BPIFB6: variants seen among roughly 807,000 people sequenced by gnomAD.
The protein encoded by BPIFB6 is BPI fold containing family B member 6.
A neutral mutation model predicts 54.7 loss-of-function variants in BPIFB6; 47 were observed. The ratio of observed to expected loss-of-function variants is 0.86; its 90% CI spans 0.68 to 1.10. The LOEUF (loss-of-function observed/expected upper bound fraction) is 1.10. Among genes scored for constraint, BPIFB6 ranks in the 50% least tolerant of loss-of-function variants. The probability of loss-of-function intolerance (pLI) is 0.00; values close to 1 mark genes in which losing one functional copy is unlikely to be tolerated. For missense variants in BPIFB6, 603 were observed against 564.1 expected, an observed-to-expected ratio of 1.07 and a Z score of -0.70; for synonymous variants, 255 against 225.9, an observed-to-expected ratio of 1.13 and a Z score of -1.16.
intron 13 of BPIFB6, 33 bp downstream of exon 13, chr20:33,042,911 C>A (rs1370308742): frequency 5.6e-6 from 9 of 1,601,486 alleles, no homozygotes; most frequent in East Asian, 2.2e-5. Flanking sequence ...GACCATGGTG[C>A]CAAGAAGCAC....
intron 9 of BPIFB6, 90 bp from the exon 10 acceptor site, chr20:33,039,257 G>T: frequency 4.5e-6 from 6 of 1,340,410 alleles, no homozygotes; most frequent in Non-Finnish European, 5.1e-6. Flanking sequence ...GTCCAACGTA[G>T]AAATCACCTA....
intron 11 of BPIFB6, 98 bp from the exon 12 acceptor site, chr20:33,041,872 C>A (rs547382680): frequency 1.9e-6 from 2 of 1,069,802 alleles, no homozygotes; most frequent in Non-Finnish European, 2.8e-6. Flanking sequence ...ATCAGGGAGG[C>A]GTTGGGGTGC....
At chr20:33,035,393 G>A (rs1979292914) in intron 5 of BPIFB6, among the ~76,000 whole-genome samples, 1 of 152,184 alleles carries the variant, frequency 6.6e-6, no homozygotes, top group African/African-American at 2.4e-5. Context: ...CAGTCCCAGG[G>A]AAAGAGTCCC....
intron 1 of BPIFB6, 108 bp downstream of exon 1, chr20:33,031,852 A>C (rs1019406098): frequency 1.2e-6 from 1 of 842,826 alleles, no homozygotes; most frequent in Non-Finnish European, 2.0e-6. Context: ...GTGAGCTCCA[A>C]GTAAACTTAT....
Position 33,034,238 on chromosome 20 carries a change from G to A in BPIFB6, c.250G>A (p.Gly84Arg). The A allele has an allele frequency of 1.2e-6, 2 of 1,614,130 alleles. No individual in the cohort carries two copies. The highest frequency in any genetic ancestry group is 1.7e-6 in the Non-Finnish European group (2 of 1,180,004). The change falls in exon 3 of 15, where the codon GGA becomes AGA. Residue 84 changes from glycine (G) to arginine (R), a missense_variant. Physicochemically the swap from Gly to Arg is moderately radical, Grantham distance 125. Coordinates refer to ENST00000349552, the MANE Select transcript of BPIFB6 (RefSeq NM_174897.2). ...CGTCATCACACTGAACTTTGTACCT[G>A]GAGTGGGCATCTTCCAATGTGTGTC... is the stretch of plus-strand genomic sequence containing the variant. ...LPVITLNFVPGVGIFQCVSTG... is the reference protein window; with the variant it reads ...LPVITLNFVPRVGIFQCVSTG...
chr20:33,031,746 T>C lies in BPIFB6; in HGVS notation c.97+2T>C, dbSNP rs2146362080. ...GGTTGGGCATGGACATCATGAACCG[T>C]GGTGAGCTTGTGGGCCCGGGCGTGC... On this transcript the variant is annotated splice_donor_variant, in intron 1 of 14. Transcript: ENST00000349552. LOFTEE classifies it low-confidence loss of function (ANC_ALLELE). The C allele has an allele frequency of 6.2e-7, 1 of 1,613,908 alleles. No homozygotes were observed. Among genetic ancestry groups the C allele is most frequent in the South Asian group, 1.1e-5 (1 of 91,062 alleles).
In BPIFB6 at chr20:33,031,681, C is replaced by G; in HGVS notation, c.34C>G (p.Leu12Val). The change falls in exon 1 of 15, where the codon CTG becomes GTG. Residue 12 changes from leucine to valine, a missense_variant. Physicochemically the swap from Leu to Val is conservative, Grantham distance 32 (BLOSUM62 1). Coordinates refer to ENST00000349552, the MANE Select transcript of BPIFB6 (RefSeq NM_174897.2). ...LRILCLALCS[L>V]LTGTRADPGA... ...GATCCTGTGCCTGGCACTCTGCAGC[C>G]TGCTGACTGGCACGCGAGCTGACCC... is the stretch of plus-strand genomic sequence containing the variant. The G allele has an allele frequency of 6.2e-7, 1 of 1,614,102 alleles. No individual in the cohort carries two copies. The highest frequency in any genetic ancestry group is 8.5e-7 in the Non-Finnish European group (1 of 1,180,016).
Position 33,031,664 on chromosome 20 carries a change from G to A in BPIFB6, c.17G>A (p.Cys6Tyr), listed in dbSNP as rs1184424470. Reference sequence around the variant, plus strand: ...GGTGGTGCCATGCTGCGGATCCTGTGCCTGGCACTCTGCAGCCTGCTGACT... The same window carrying A: ...GGTGGTGCCATGCTGCGGATCCTGTACCTGGCACTCTGCAGCCTGCTGACT... MLRIL[C>Y]LALCSLLTGT... is the part of the protein sequence containing the mutation. The change falls in exon 1 of 15, where the codon TGC becomes TAC. Residue 6 changes from cysteine to tyrosine, a missense_variant. Coordinates refer to ENST00000349552, the MANE Select transcript of BPIFB6 (RefSeq NM_174897.2). 3.1e-6 allele frequency: 5 copies of A among 1,613,814 alleles called. No homozygotes were observed. In the East Asian group the frequency reaches 6.7e-5, roughly 22 times the overall value.
chr20:33,041,225 A>G (rs1348099050), intron 11 of BPIFB6, among the ~76,000 whole-genome samples: 1 of 151,934 alleles, frequency 6.6e-6, no homozygotes, highest in Non-Finnish European at 1.5e-5. Flanking sequence ...TTCTGACCTC[A>G]TGATCCACCC....
chr20:33,031,654 C>T lies in BPIFB6; in HGVS notation c.7C>T (p.Arg3Trp), dbSNP rs370471311. The T allele has an allele frequency of 2.1e-4, 331 of 1,613,626 alleles. 3 individuals carry two copies. In the South Asian group the frequency reaches 3.1e-3, roughly 15 times the overall value. Reference sequence around the variant, plus strand: ...CCTTGGCACAGGTGGTGCCATGCTGCGGATCCTGTGCCTGGCACTCTGCAG... The same window carrying T: ...CCTTGGCACAGGTGGTGCCATGCTGTGGATCCTGTGCCTGGCACTCTGCAG... ML[R>W]ILCLALCSLL... The change falls in exon 1 of 15, where the codon CGG becomes TGG. Residue 3 changes from arginine (R) to tryptophan (W), a missense_variant. Coordinates refer to ENST00000349552, the MANE Select transcript of BPIFB6 (RefSeq NM_174897.2).
At chr20:33,036,147 G>A (rs1047314187) in intron 6 of BPIFB6, among the ~76,000 whole-genome samples, 7 of 152,248 alleles carry the variant, frequency 4.6e-5, no homozygotes, top group Admixed American at 2.6e-4. Context: ...TCTCAGCCTC[G>A]GTTTGCTTAG....
rs971002817 is a variant in BPIFB6, at chr20:33,042,019, A to C, written c.1188+4A>C. ...CTCATCGATTGGCAACTTCAATGTAAGTGTCCCAAGTGCTCTTGCCTGTCC... is the reference window on the plus strand; with the variant it reads ...CTCATCGATTGGCAACTTCAATGTACGTGTCCCAAGTGCTCTTGCCTGTCC... On this transcript the variant is annotated splice_donor_region_variant and intron_variant, in intron 12 of 14. Transcript: ENST00000349552. 1.2e-6 allele frequency: 2 copies of C among 1,613,410 alleles called. No homozygotes were observed. Among genetic ancestry groups the C allele is most frequent in the Non-Finnish European group, 1.7e-6 (2 of 1,179,464 alleles).
chr20:33,037,814 A>C, intron 8 of BPIFB6, 76 bp downstream of exon 8: 1 of 1,527,018 alleles, frequency 6.5e-7, no homozygotes, highest in Non-Finnish European at 9.0e-7. Flanking sequence ...TTCTATCATG[A>C]AAATTATCCT....
chr20:33,039,544 C>T (rs376078530), intron 10 of BPIFB6, 24 bp downstream of exon 10: 4 of 1,585,702 alleles, frequency 2.5e-6, no homozygotes, highest in Non-Finnish European at 3.4e-6. Context: ...TTCCCTTCCC[C>T]ATTTATTCCC....
At position 33,033,070 on chromosome 20, in the gene BPIFB6, A is replaced by G. The variant is rs1979173003; in HGVS notation, c.184A>G (p.Lys62Glu). ...GAAACAGCCAGGGATGAAACCTATC[A>G]AGGGCATCACCAAGTGAGTAGGGGA... ...GKKQPGMKPI[K>E]GITNLKVKDV... The change falls in exon 2 of 15, where the codon AAG (lysine) becomes GAG (glutamate). Residue 62 changes from lysine (K) to glutamate (E), a missense_variant. By Grantham distance (56) the Lys-to-Glu change is moderately conservative. Transcript: ENST00000349552. 2 of 1,613,594 alleles carry G rather than the reference A, an allele frequency of 1.2e-6. No individual in the cohort carries two copies. The highest frequency in any genetic ancestry group is 1.7e-6 in the Non-Finnish European group (2 of 1,179,662).
intron 2 of BPIFB6, 38 bp from the exon 3 acceptor site, chr20:33,034,148 C>A: frequency 6.7e-7 from 1 of 1,501,250 alleles, no homozygotes; most frequent in East Asian, 2.3e-5. Context: ...GTCTTGCCTG[C>A]TCAGATCTTA....
Position 33,040,274 on chromosome 20 carries a change from C to T in BPIFB6, c.1098C>T (p.Tyr366=), listed in dbSNP as rs765281326. 4 of 1,614,066 alleles carry T rather than the reference C, an allele frequency of 2.5e-6. No individual in the cohort carries two copies. Among genetic ancestry groups the T allele is most frequent in the Non-Finnish European group, 3.4e-6 (4 of 1,180,038 alleles). Residue 366 remains tyrosine (Y), a synonymous_variant, in exon 11 of 15, where the codon TAC becomes TAT. Transcript: ENST00000349552. The part of the protein sequence containing the change: ...LEVHFNLKVQ[Y]SVHENQLQMA... ...AGCACTTCAATCTGAAGGTCCAGTA[C>T]TCAGTGCATGAGAACCAGCTGCAGA...
chr20:33,032,858 G>A (rs1272295937), intron 1 of BPIFB6, 126 bp from the exon 2 acceptor site: 3 of 705,080 alleles, frequency 4.3e-6, no homozygotes, highest in Non-Finnish European at 7.6e-6. Flanking sequence ...CTGGGGCGCT[G>A]TGGGACTCAT....
At chr20:33,041,929 T>C in intron 11 of BPIFB6, 41 bp from the exon 12 acceptor site, 1 of 1,604,022 alleles carries the variant, frequency 6.2e-7, no homozygotes, top group Non-Finnish European at 8.5e-7. Context: ...CTGACCGTTC[T>C]TTCCCCTCCC....
Sources: gnomAD v4.1 joint callset for allele counts (sites outside exome capture counted in the v4.1 genomes callset) on GRCh38, gnomAD v4.1.1 for gene constraint, MANE v1.5 for transcripts, NCBI Gene and HGNC (gene_info 2026-07-23, HGNC 2026-07-21) for gene names.